The following DCC variants were observed in gnomAD, a reference collection of about 807,000 sequenced individuals.
DCC encodes the protein DCC netrin 1 receptor.
DCC carries 58 observed loss-of-function variants against 172.5 expected under a neutral mutation model. The observed-to-expected ratio is 0.34, with a 90% CI of 0.27 to 0.42. The LOEUF (loss-of-function observed/expected upper bound fraction) is 0.42, where lower values mean the gene tolerates loss of function less well. Among genes scored for constraint, DCC ranks in the 10% least tolerant of loss-of-function variants. DCC has a pLI of 1.00. For missense variants in DCC, 1,740 were observed against 1,791.0 expected (o/e 0.97, Z 0.51); for synonymous variants, 709 against 644.5 (o/e 1.10, Z -1.52).
At chr18:53,291,190 T>C (rs1368295266) in intron 12 of DCC, among the ~76,000 whole-genome samples, 1 of 152,008 alleles carries the variant, frequency 6.6e-6, no homozygotes, top group Non-Finnish European at 1.5e-5. Context: ...AAAAAAGATA[T>C]TGGAGTATAA....
chr18:52,743,096 T>G (rs1008988296), intron 1 of DCC, among the ~76,000 whole-genome samples: 17 of 152,178 alleles, frequency 1.1e-4, no homozygotes, highest in Non-Finnish European at 1.6e-4. Context: ...AAAAGTTGAT[T>G]GGTCACTTCA....
intron 2 of DCC, among the ~76,000 whole-genome samples, chr18:52,779,347 C>T (rs914551113): frequency 6.6e-6 from 1 of 152,058 alleles, no homozygotes; most frequent in African/African-American, 2.4e-5. Context: ...ACGTTCCCCT[C>T]CCTGTGTCCA....
chr18:52,509,137 T>C (rs1400214258), intron 1 of DCC, among the ~76,000 whole-genome samples: 2 of 152,202 alleles, frequency 1.3e-5, no homozygotes, highest in East Asian at 3.8e-4. Flanking sequence ...ATAGATAAAA[T>C]ATTTCCAATG....
chr18:53,168,277 C>T (rs927093649), intron 8 of DCC, among the ~76,000 whole-genome samples: 12 of 152,060 alleles, frequency 7.9e-5, no homozygotes, highest in South Asian at 4.2e-4. Flanking sequence ...GTGTTTATTG[C>T]GGCACTGTTC....
At chr18:52,899,659 A>G (rs2039782134) in intron 2 of DCC, among the ~76,000 whole-genome samples, 1 of 151,654 alleles carries the variant, frequency 6.6e-6, no homozygotes, top group African/African-American at 2.4e-5. Flanking sequence ...CCGGCCTTAA[A>G]AACAACTTTT....
chr18:53,103,237 A>T (rs1418173059), intron 7 of DCC, among the ~76,000 whole-genome samples: 1 of 152,054 alleles, frequency 6.6e-6, no homozygotes, highest in Admixed American at 6.6e-5. Flanking sequence ...AGCTTCTATC[A>T]GTGAGAGACA....
chr18:53,069,928 G>A (rs1440740039), intron 7 of DCC, among the ~76,000 whole-genome samples: 2 of 151,606 alleles, frequency 1.3e-5, no homozygotes, highest in East Asian at 1.9e-4. Context: ...GGTTGGGGGG[G>A]GTTGTTATTG....
chr18:53,081,256 A>G (rs1346517870), intron 7 of DCC, among the ~76,000 whole-genome samples: 1 of 152,054 alleles, frequency 6.6e-6, no homozygotes, highest in East Asian at 1.9e-4. Context: ...GAGTTCACAA[A>G]TTGATTTTGC....
At chr18:53,499,240 T>G (rs1202372898) in intron 26 of DCC, 58 bp from the exon 27 acceptor site, 4 of 1,572,674 alleles carry the variant, frequency 2.5e-6, no homozygotes, top group Non-Finnish European at 3.5e-6. Context: ...TTCCAGTGAC[T>G]TAAGGAAAAC....
intron 1 of DCC, among the ~76,000 whole-genome samples, chr18:52,634,316 T>G (rs1361385466): frequency 2.6e-5 from 4 of 152,222 alleles, no homozygotes; most frequent in African/African-American, 7.2e-5. Flanking sequence ...CAAAACCTAA[T>G]GCATTATGCA....
intron 7 of DCC, among the ~76,000 whole-genome samples, chr18:53,113,354 A>G (rs2043362942): frequency 6.6e-6 from 1 of 151,464 alleles, no homozygotes; most frequent in Admixed American, 6.6e-5. Context: ...TGAGAGACTT[A>G]GAGTGATTTA....
Position 53,259,241 on chromosome 18 carries a change from G to C in DCC, c.1911+43644G>C, listed in dbSNP as rs866513239. On this transcript the variant is annotated intron_variant, in intron 12 of 28. Transcript: ENST00000442544. ...GGTTAATATTGTTATGTGTGAATTT[G>C]ATCCTGTCATTATGATGTTAGCTGG... is the stretch of plus-strand genomic sequence containing the variant. Among the ~76,000 whole-genome samples the C allele has an allele frequency of 1.2e-4, 19 of 152,272 alleles. No homozygotes were observed. In the Middle Eastern group the frequency reaches 0.02, roughly 164 times the overall value.
chr18:53,524,463 T>C (rs1036951434), intron 27 of DCC, among the ~76,000 whole-genome samples: 2 of 152,120 alleles, frequency 1.3e-5, no homozygotes, highest in African/African-American at 4.8e-5. Flanking sequence ...TTGTACTATT[T>C]TCACAGGGCT....
At chr18:53,320,336 T>C (rs914038572) in intron 13 of DCC, among the ~76,000 whole-genome samples, 3 of 152,204 alleles carry the variant, frequency 2.0e-5, no homozygotes, top group African/African-American at 2.4e-5. Flanking sequence ...CCTCCCAAAG[T>C]GCTGGGATTA....
At chr18:52,847,047 C>T (rs879751234) in intron 2 of DCC, among the ~76,000 whole-genome samples, 7 of 152,162 alleles carry the variant, frequency 4.6e-5, no homozygotes, top group African/African-American at 9.7e-5. Context: ...TTAAATGGAA[C>T]GCTTTCTACT....
chr18:53,365,373 C>A (rs2057993790), intron 15 of DCC, among the ~76,000 whole-genome samples: 2 of 148,792 alleles, frequency 1.3e-5, no homozygotes, highest in Non-Finnish European at 3.0e-5. Flanking sequence ...GCACAGGTAC[C>A]CTAGAACTTA....
chr18:52,492,462 T>C (rs1048510477), intron 1 of DCC, among the ~76,000 whole-genome samples: 5 of 151,872 alleles, frequency 3.3e-5, no homozygotes, highest in Non-Finnish European at 5.9e-5. Context: ...TGGCCTTAAA[T>C]AGAAGCAGGG....
intron 26 of DCC, among the ~76,000 whole-genome samples, chr18:53,487,529 C>CTTTTTTTT (rs34404262): frequency 8.3e-6 from 1 of 120,220 alleles, no homozygotes; most frequent in African/African-American, 3.0e-5. Context: ...CCATTTGACT[C>CTTTTTTTT]TTTTTTTTTT....
intron 1 of DCC, among the ~76,000 whole-genome samples, chr18:52,652,737 T>TGTGTGTGTGTGTGTGTGTGTGTGG (rs971665914): frequency 5.9e-5 from 9 of 151,830 alleles, no homozygotes; most frequent in Admixed American, 2.0e-4. Context: ...TGTGTGTGTG[T>TGTGTGTGTGTGTGTGTGTGTGTGG]GTGGGTGGAG....
Sources: gnomAD v4.1 joint callset for allele counts (sites outside exome capture counted in the v4.1 genomes callset) on GRCh38, gnomAD v4.1.1 for gene constraint, MANE v1.5 for transcripts, NCBI Gene and HGNC (gene_info 2026-07-23, HGNC 2026-07-21) for gene names.